COL4A3: variants seen among roughly 807,000 people sequenced by gnomAD.
The protein encoded by COL4A3 is collagen alpha-3(IV) chain.
COL4A3 carries 135 observed loss-of-function variants against 217.4 expected under a neutral mutation model. That is an observed-to-expected ratio of 0.62 (90% CI 0.54 to 0.72). COL4A3 has a LOEUF of 0.72. COL4A3 is among the 30% of genes least tolerant of loss of function. The pLI is 0.00. For synonymous variants in COL4A3, 690 were observed against 736.3 expected, an observed-to-expected ratio of 0.94 and a Z score of 1.02; for missense variants, 1,868 against 2,119.9, an observed-to-expected ratio of 0.88 and a Z score of 2.33.
At chr2:227,200,152 T>C (rs770320020) in intron 1 of COL4A3, among the ~76,000 whole-genome samples, 50 of 151,962 alleles carry the variant, frequency 3.3e-4, no homozygotes, top group Non-Finnish European at 6.5e-4. Context: ...ATGATATTTC[T>C]TTTTGTGATC....
intron 20 of COL4A3, among the ~76,000 whole-genome samples, chr2:227,263,028 C>T (rs1480545046): frequency 6.6e-6 from 1 of 151,998 alleles, no homozygotes. Context: ...ACATTTGATA[C>T]ATGTAACAAA....
chr2:227,270,382 A>G (rs2071166244), intron 24 of COL4A3, among the ~76,000 whole-genome samples: 2 of 152,206 alleles, frequency 1.3e-5, no homozygotes, highest in East Asian at 1.9e-4. Context: ...TTATACCTCA[A>G]TAAGTCCGTT....
In COL4A3 at chr2:227,314,762, T is replaced by C. The variant is rs1022226537; in HGVS notation, c.*2892T>C. 9 of 152,030 alleles carry C rather than the reference T, an allele frequency of 5.9e-5. No homozygotes were observed. Among genetic ancestry groups the C allele is most frequent in the African/African-American group, 1.9e-4 (8 of 41,426 alleles). The allele number at this position is 152,030 out of a possible 1,614,324, so 9.4% of individuals were successfully genotyped here. ...ATATCTAAAATATTATTTTATTATA[T>C]TGCCTAAGAATAAACATTTGTTAAA... On this transcript the variant is annotated 3_prime_UTR_variant, in exon 52 of 52. Coordinates refer to ENST00000396578, the MANE Select transcript of COL4A3 (RefSeq NM_000091.5).
Position 227,281,076 on chromosome 2 carries a change from T to C in COL4A3, c.2488+70T>C, listed in dbSNP as rs1198432511. ...ATGAGACTCCTGCTCTGTGCTTTGC[T>C]GCTTAACATGGGAACTGTCCAGCCA... On this transcript the variant is annotated intron_variant, in intron 31 of 51. Transcript: ENST00000396578. The C allele has an allele frequency of 7.4e-6, 7 of 946,892 alleles. No individual in the cohort carries two copies. In the Admixed American group the frequency reaches 1.4e-4, roughly 19 times the overall value. 58.7% of individuals were successfully genotyped at this position (946,892 alleles called of 1,614,324 possible). A position where few individuals can be genotyped will look rare whatever the true frequency, so the allele number is the denominator to read the frequency against.
chr2:227,283,657 T>G, intron 32 of COL4A3, 110 bp from the exon 33 acceptor site: 2 of 964,976 alleles, frequency 2.1e-6, no homozygotes, highest in South Asian at 2.7e-5. Flanking sequence ...GAGGCCATTT[T>G]TTCAACTCCC....
intron 1 of COL4A3, among the ~76,000 whole-genome samples, chr2:227,196,281 A>G (rs1349697608): frequency 6.6e-6 from 1 of 151,666 alleles, no homozygotes; most frequent in East Asian, 1.9e-4. Context: ...TGCAAGCTTC[A>G]TTCATGGAAA....
At chr2:227,276,331 T>G (rs1426058172) in intron 26 of COL4A3, 54 bp from the exon 27 acceptor site, 2 of 1,297,248 alleles carry the variant, frequency 1.5e-6, no homozygotes, top group Admixed American at 3.4e-5. Context: ...TCCGCTATCG[T>G]CTAAGACAAG....
At chr2:227,246,616 C>A in intron 6 of COL4A3, 69 bp from the exon 7 acceptor site, 1 of 1,320,008 alleles carries the variant, frequency 7.6e-7, no homozygotes, top group Non-Finnish European at 1.1e-6. Context: ...AAGCGAGAAA[C>A]AGGAAAAATA....
intron 1 of COL4A3, among the ~76,000 whole-genome samples, chr2:227,231,740 C>A (rs878873065): frequency 6.6e-6 from 1 of 152,162 alleles, no homozygotes; most frequent in South Asian, 2.1e-4. Flanking sequence ...CCATGTTACC[C>A]AGGCTGGTCT....
At position 227,312,042 on chromosome 2, in the gene COL4A3, C is replaced by G. The variant is rs902934379; in HGVS notation, c.*172C>G. Reference sequence around the variant, plus strand: ...ACAAAGCAATTCTTTCAAGTCAGTTCTGTGATCTGGGTCTCTAATCTGTGC... The same window carrying G: ...ACAAAGCAATTCTTTCAAGTCAGTTGTGTGATCTGGGTCTCTAATCTGTGC... On this transcript the variant is annotated 3_prime_UTR_variant, in exon 52 of 52. Transcript: ENST00000396578. The G allele has an allele frequency of 8.2e-7, 1 of 1,216,246 alleles. No individual in the cohort carries two copies. The highest frequency in any genetic ancestry group is 2.2e-5 in the Admixed American group (1 of 45,752). 75.3% of individuals were successfully genotyped at this position (1,216,246 alleles called of 1,614,324 possible).
intron 1 of COL4A3, among the ~76,000 whole-genome samples, chr2:227,175,433 T>G (rs2065642099): frequency 6.6e-6 from 1 of 152,132 alleles, no homozygotes; most frequent in South Asian, 2.1e-4. Context: ...ATCACGCCAT[T>G]GCATTCTAGC....
chr2:227,272,878 G>T, intron 25 of COL4A3, 71 bp from the exon 26 acceptor site: 1 of 1,468,816 alleles, frequency 6.8e-7, no homozygotes, highest in Non-Finnish European at 9.5e-7. Flanking sequence ...ATTCATATTT[G>T]GAGGATGATT....
intron 47 of COL4A3, among the ~76,000 whole-genome samples, chr2:227,306,174 A>G (rs1372776623): frequency 6.6e-6 from 1 of 152,172 alleles, no homozygotes; most frequent in Non-Finnish European, 1.5e-5. Flanking sequence ...TGCCCTAAGA[A>G]TGGGGCAACA....
At chr2:227,185,195 C>T (rs376318472) in intron 1 of COL4A3, among the ~76,000 whole-genome samples, 28 of 152,198 alleles carry the variant, frequency 1.8e-4, no homozygotes, top group Middle Eastern at 6.8e-3. Context: ...CCACAGCGCC[C>T]GGCCCTCACT....
chr2:227,249,197 A>C (rs1038658322), intron 9 of COL4A3, among the ~76,000 whole-genome samples: 7 of 107,082 alleles, frequency 6.5e-5, no homozygotes, highest in African/African-American at 2.1e-4. Flanking sequence ...AATTATATAT[A>C]ACCAAAATTA....
intron 31 of COL4A3, 88 bp downstream of exon 31, chr2:227,281,094 T>C (rs1171513405): frequency 5.5e-5 from 46 of 837,942 alleles, no homozygotes. Flanking sequence ...ATGGGAACTG[T>C]CCAGCCACAA....
chr2:227,295,522 A>G (rs1031518385), intron 41 of COL4A3, among the ~76,000 whole-genome samples: 11 of 152,242 alleles, frequency 7.2e-5, no homozygotes, highest in Admixed American at 5.2e-4. Context: ...CTGTGATTCA[A>G]TTTTGGAATT....
At chr2:227,296,205 T>C (rs2073022199) in intron 41 of COL4A3, 1 of 152,208 alleles carries the variant, frequency 6.6e-6, no homozygotes. Flanking sequence ...GATTGTTCTT[T>C]CGGTTGAGCT....
intron 1 of COL4A3, among the ~76,000 whole-genome samples, chr2:227,201,549 G>A (rs917355544): frequency 3.3e-5 from 5 of 152,158 alleles, no homozygotes; most frequent in Admixed American, 6.5e-5. Context: ...CAATGTATCC[G>A]TTTCCAGTTG....
Sources: gnomAD v4.1 joint callset for allele counts (sites outside exome capture counted in the v4.1 genomes callset) on GRCh38, gnomAD v4.1.1 for gene constraint, MANE v1.5 for transcripts, NCBI Gene and HGNC (gene_info 2026-07-23, HGNC 2026-07-21) for gene names.